The following CAMKV variants were observed in gnomAD, a reference collection of about 807,000 sequenced individuals.
CAMKV encodes caM kinase-like vesicle-associated protein.
In CAMKV, 5 loss-of-function variants were observed where a neutral mutation model predicts 50.2. The observed-to-expected ratio is 0.10, with a 90% CI of 0.05 to 0.21. The LOEUF (loss-of-function observed/expected upper bound fraction) is 0.21, where lower values mean the gene tolerates loss of function less well. Ranked by LOEUF, CAMKV falls within the 10% of genes least tolerant of loss-of-function variation. CAMKV has a pLI of 1.00. For missense variants in CAMKV, 361 were observed against 650.5 expected, an observed-to-expected ratio of 0.55 and a Z score of 4.84; for synonymous variants, 229 against 250.1, an observed-to-expected ratio of 0.92 and a Z score of 0.80.
intron 1 of CAMKV, among the ~76,000 whole-genome samples, chr3:49,867,389 TG>T (rs988990025): frequency 6.6e-6 from 1 of 152,196 alleles, no homozygotes; most frequent in Non-Finnish European, 1.5e-5. Context: ...TCTCCAGTTT[TG>T]GGGGTGGGCA....
chr3:49,868,723 T>C (rs2082083623), intron 1 of CAMKV, among the ~76,000 whole-genome samples: 1 of 151,972 alleles, frequency 6.6e-6, no homozygotes, highest in Non-Finnish European at 1.5e-5. Flanking sequence ...AGGAATCAAC[T>C]CTGAGGGTGG....
intron 1 of CAMKV, among the ~76,000 whole-genome samples, chr3:49,868,799 G>T (rs567772968): frequency 6.6e-6 from 1 of 152,216 alleles, no homozygotes. Flanking sequence ...GGTAAGGGGA[G>T]TACAGCACAG....
At position 49,861,895 on chromosome 3, in the gene CAMKV, GGGCTGGATGAACCCCTGGGAGA is replaced by G; in HGVS notation, c.228-52_228-31del. The G allele has an allele frequency of 6.2e-7, 1 of 1,612,512 alleles. No homozygotes were observed. Among genetic ancestry groups the G allele is most frequent in the Non-Finnish European group, 8.5e-7 (1 of 1,179,146 alleles). On this transcript the variant is annotated intron_variant, in intron 3 of 10. Coordinates refer to ENST00000477224, the MANE Select transcript of CAMKV (RefSeq NM_024046.5). This position sits in a 1 kb window ranked among gnomAD's most constrained non-coding sequence, Gnocchi z 7.7. ...CGACAGGGAGGGGAGCCAGTAGTTA[GGGCTGGATGAACCCCTGGGAGA>G]GGCTGTGGTCACCACAGTGGCCACA...
chr3:49,860,794 C>A lies in CAMKV; in HGVS notation c.697G>T (p.Asp233Tyr). 6.2e-7 allele frequency: 1 copy of A among 1,614,124 alleles called. No homozygotes were observed. Among genetic ancestry groups the A allele is most frequent in the Non-Finnish European group, 8.5e-7 (1 of 1,180,024 alleles). The part of the protein sequence containing the change: ...EVEEDDYENH[D>Y]KNLFRKILAG... ...AGGATCTTGCGGAAGAGATTCTTAT[C>A]ATGGTTCTCATAATCATCTTCTTCC... Residue 233 changes from aspartate to tyrosine, a missense_variant, in exon 8 of 11, where the codon GAT becomes TAT. Around this residue, in one of 4 missense-constraint regions of CAMKV, gnomAD observed 172 missense variants for 414.3 expected, o/e 0.42. Coordinates refer to ENST00000477224, the MANE Select transcript of CAMKV (RefSeq NM_024046.5). The surrounding 1 kb of genome is among the most constrained non-coding windows in gnomAD (Gnocchi z 6.1).
At chr3:49,864,450 G>A (rs2108331910) in intron 1 of CAMKV, among the ~76,000 whole-genome samples, 1 of 152,302 alleles carries the variant, frequency 6.6e-6, no homozygotes, top group East Asian at 1.9e-4. Flanking sequence ...CTTTCCACCT[G>A]GGGCACGGTG....
Position 49,859,535 on chromosome 3 carries a change from G to T in CAMKV, c.1289C>A (p.Thr430Asn), listed in dbSNP as rs778376639. ...PATDRSATPA[T>N]DGRATPATEE... ...TGTGGCTGGTGTGGCTCTCCCATCA[G>T]TGGCTGGAGTAGCGCTCCTGTCAGT... Residue 430 changes from threonine (T) to asparagine (N), a missense_variant, in exon 11 of 11, where the codon ACT becomes AAT. This residue lies in a region of CAMKV where 27 missense variants were observed against 59.9 expected (regional missense o/e 0.45). Coordinates refer to ENST00000477224, the MANE Select transcript of CAMKV (RefSeq NM_024046.5). This position sits in a 1 kb window ranked among gnomAD's most constrained non-coding sequence, Gnocchi z 5.5. 6.2e-7 allele frequency: 1 copy of T among 1,614,058 alleles called. No individual in the cohort carries two copies. The highest frequency in any genetic ancestry group is 2.2e-5 in the East Asian group (1 of 44,892).
chr3:49,865,117 C>T (rs181698887), intron 1 of CAMKV, among the ~76,000 whole-genome samples: 4 of 152,322 alleles, frequency 2.6e-5, no homozygotes, highest in South Asian at 2.1e-4. Flanking sequence ...AGCCATCTTG[C>T]GAGGCACAGC....
Position 49,861,605 on chromosome 3 carries a change from C to T in CAMKV, c.303-28G>A, listed in dbSNP as rs1019047531. On this transcript the variant is annotated intron_variant, in intron 4 of 10. Coordinates refer to ENST00000477224, the MANE Select transcript of CAMKV (RefSeq NM_024046.5). The surrounding 1 kb of genome is among the most constrained non-coding windows in gnomAD (Gnocchi z 7.7). ...GAGGGACACCAGCCCCTGAGCCTGGCGTGGGCAGAATCAGGGGTAGGGCAG... is the reference window on the plus strand; with the variant it reads ...GAGGGACACCAGCCCCTGAGCCTGGTGTGGGCAGAATCAGGGGTAGGGCAG... 11 of 1,613,618 alleles carry T rather than the reference C, an allele frequency of 6.8e-6. No individual in the cohort carries two copies. Among genetic ancestry groups the T allele is most frequent in the Admixed American group, 5.0e-5 (3 of 59,988 alleles).
In CAMKV at chr3:49,868,281, C is replaced by G. The variant is rs573964351; in HGVS notation, c.-15+1477G>C. 2.0e-5 allele frequency among the ~76,000 whole-genome samples: 3 copies of G among 152,314 alleles called. No individual in the cohort carries two copies. The East Asian group carries it at 5.8e-4, about 29-fold the overall frequency. ...CCCTCCCAGCCAACCCCTCCCCCAT[C>G]TGCTATCCTTTCCAGGCTTTGGGTC... On this transcript the variant is annotated intron_variant, in intron 1 of 10. Coordinates refer to ENST00000477224, the MANE Select transcript of CAMKV (RefSeq NM_024046.5).
chr3:49,862,283 C>T lies in CAMKV; in HGVS notation c.95+11G>A, dbSNP rs2082028134. On this transcript the variant is annotated intron_variant, in intron 2 of 10. Coordinates refer to ENST00000477224, the MANE Select transcript of CAMKV (RefSeq NM_024046.5). This position sits in a 1 kb window ranked among gnomAD's most constrained non-coding sequence, Gnocchi z 5.2. ...GCCCACCCAGCCTTGCCTGACAGGC[C>T]CGGCACTCACGTCTTGATGACCTGT... The T allele has an allele frequency of 6.2e-7, 1 of 1,613,962 alleles. No homozygotes were observed. The highest frequency in any genetic ancestry group is 1.3e-5 in the African/African-American group (1 of 74,930).
chr3:49,858,455 G>A lies in CAMKV; in HGVS notation c.*863C>T, dbSNP rs2108327161. 2 of 397,236 alleles carry A rather than the reference G, an allele frequency of 5.0e-6. No homozygotes were observed. The highest frequency in any genetic ancestry group is 8.9e-6 in the Non-Finnish European group (2 of 225,638). 24.6% of individuals were successfully genotyped at this position (397,236 alleles called of 1,614,324 possible). Reference sequence around the variant, plus strand: ...GGAGGTGGGCATCTAGGAAGAGCAAGGAGGTATCAGCCCTCCCTGTTTGGC... The same window carrying A: ...GGAGGTGGGCATCTAGGAAGAGCAAAGAGGTATCAGCCCTCCCTGTTTGGC... On this transcript the variant is annotated 3_prime_UTR_variant, in exon 11 of 11. Transcript: ENST00000477224.
rs2082013180 is a variant in CAMKV, at chr3:49,860,693, G to A, written c.775+23C>T. The A allele has an allele frequency of 6.2e-7, 1 of 1,613,796 alleles. No individual in the cohort carries two copies. The highest frequency in any genetic ancestry group is 2.2e-5 in the East Asian group (1 of 44,900). On this transcript the variant is annotated intron_variant, in intron 8 of 10. Coordinates refer to ENST00000477224, the MANE Select transcript of CAMKV (RefSeq NM_024046.5). The surrounding 1 kb of genome is among the most constrained non-coding windows in gnomAD (Gnocchi z 6.1). ...TCCCCACTCCCTTGCGTTCTACCAA[G>A]TGCTGGGCAGGCACCTCCTCACCTG...
At chr3:49,868,883 G>C (rs2082085072) in intron 1 of CAMKV, among the ~76,000 whole-genome samples, 1 of 152,212 alleles carries the variant, frequency 6.6e-6, no homozygotes, top group South Asian at 2.1e-4. Flanking sequence ...GAACCTGGTG[G>C]AGCAGGATCT....
Position 49,861,900 on chromosome 3 carries a change from G to A in CAMKV, c.228-35C>T, listed in dbSNP as rs766006880. The stretch of plus-strand genomic sequence containing the variant: ...GGGAGGGGAGCCAGTAGTTAGGGCT[G>A]GATGAACCCCTGGGAGAGGCTGTGG... On this transcript the variant is annotated intron_variant, in intron 3 of 10. Transcript: ENST00000477224. This position sits in a 1 kb window ranked among gnomAD's most constrained non-coding sequence, Gnocchi z 7.7. 5 of 1,611,454 alleles carry A rather than the reference G, an allele frequency of 3.1e-6. No homozygotes were observed. In the South Asian group the frequency reaches 5.5e-5, roughly 18 times the overall value.
Position 49,862,554 on chromosome 3 carries a change from AC to A in CAMKV, c.-14-153del. 1.5e-6 allele frequency: 1 copy of A among 663,878 alleles called. No individual in the cohort carries two copies. The highest frequency in any genetic ancestry group is 2.6e-6 in the Non-Finnish European group (1 of 380,066). The allele number at this position is 663,878 out of a possible 1,614,324, so 41.1% of individuals were successfully genotyped here. ...TAGAGGATAGGCAGGCTTAGATCCT[AC>A]CCCTGCTTTTCTGGCTAGACATCCA... is the stretch of plus-strand genomic sequence containing the variant. On this transcript the variant is annotated intron_variant, in intron 1 of 10. Transcript: ENST00000477224. The surrounding 1 kb of genome is among the most constrained non-coding windows in gnomAD (Gnocchi z 5.2).
chr3:49,866,352 G>C (rs1270932566), intron 1 of CAMKV, among the ~76,000 whole-genome samples: 2 of 152,236 alleles, frequency 1.3e-5, no homozygotes, highest in Admixed American at 6.5e-5. Flanking sequence ...CTCTCAGAAA[G>C]AGAGGAGGCC....
chr3:49,859,288 T>A lies in CAMKV; in HGVS notation c.*30A>T. On this transcript the variant is annotated 3_prime_UTR_variant, in exon 11 of 11. Transcript: ENST00000477224. The surrounding 1 kb of genome is among the most constrained non-coding windows in gnomAD (Gnocchi z 5.5). ...ATCCACTCTCCCACCCTCCTGCCCA[T>A]CCCCTGCCCCCCCTCACCAGGCTGC... The A allele has an allele frequency of 5.1e-4, 638 of 1,242,438 alleles. No homozygotes were observed. Among genetic ancestry groups the A allele is most frequent in the Non-Finnish European group, 6.5e-4 (577 of 892,856 alleles). 77.0% of individuals were successfully genotyped at this position (1,242,438 alleles called of 1,614,324 possible).
At position 49,860,671 on chromosome 3, in the gene CAMKV, C is replaced by A; in HGVS notation, c.775+45G>T. The A allele has an allele frequency of 6.2e-7, 1 of 1,612,908 alleles. No homozygotes were observed. The highest frequency in any genetic ancestry group is 1.1e-5 in the South Asian group (1 of 91,028). ...GGAAGATGAGAGCAGGACACCCTCC[C>A]CACTCCCTTGCGTTCTACCAAGTGC... On this transcript the variant is annotated intron_variant, in intron 8 of 10. Coordinates refer to ENST00000477224, the MANE Select transcript of CAMKV (RefSeq NM_024046.5). The surrounding 1 kb of genome is among the most constrained non-coding windows in gnomAD (Gnocchi z 6.1).
Position 49,862,879 on chromosome 3 carries a change from A to C in CAMKV, c.-14-477T>G, listed in dbSNP as rs2082033851. Among the ~76,000 whole-genome samples the C allele has an allele frequency of 6.6e-6, 1 of 152,228 alleles. No homozygotes were observed. The highest frequency in any genetic ancestry group is 1.5e-5 in the Non-Finnish European group (1 of 68,034). Reference sequence around the variant, plus strand: ...TTGGTAAAACCACTAAAGTCAAACAAACATACCCTATGAACCAGCAATTGC... The same window carrying C: ...TTGGTAAAACCACTAAAGTCAAACACACATACCCTATGAACCAGCAATTGC... On this transcript the variant is annotated intron_variant, in intron 1 of 10. Transcript: ENST00000477224. This position sits in a 1 kb window ranked among gnomAD's most constrained non-coding sequence, Gnocchi z 5.2.
Sources: allele counts gnomAD v4.1 joint callset (sites outside exome capture counted in the v4.1 genomes callset), GRCh38; gene constraint gnomAD v4.1.1; regional missense constraint gnomAD v4.1.1; non-coding constraint Gnocchi (gnomAD v3.1); transcripts MANE v1.5; gene names NCBI Gene and HGNC (gene_info 2026-07-23, HGNC 2026-07-21).